The following ABR variants were observed in gnomAD, a reference collection of about 807,000 sequenced individuals.
ABR encodes ABR activator of RhoGEF and GTPase.
ABR carries 35 observed loss-of-function variants against 107.2 expected under a neutral mutation model. That is an observed-to-expected ratio of 0.33 (90% confidence interval 0.25 to 0.43). The LOEUF is 0.43. ABR is among the 20% of genes least tolerant of loss of function. ABR has a pLI of 1.00. For synonymous variants in ABR, 498 were observed against 462.0 expected (o/e 1.08, Z -1.00); for missense variants, 815 against 1,115.2 (o/e 0.73, Z 3.83).
rs1007589856 is a variant in ABR, at chr17:1,078,310, T to A, written c.700+1020A>T. ...TGCTGCATGTGCGCGGAGCACACAATACCGTGCCGCCCAGCCTCCGCGCCT... is the reference window on the plus strand; with the variant it reads ...TGCTGCATGTGCGCGGAGCACACAAAACCGTGCCGCCCAGCCTCCGCGCCT... On this transcript the variant is annotated intron_variant, in intron 6 of 22. Transcript: ENST00000302538. This position sits in a 1 kb window ranked among gnomAD's most constrained non-coding sequence, Gnocchi z 7.5. Among the ~76,000 whole-genome samples, 5 of 152,074 alleles carry A rather than the reference T, an allele frequency of 3.3e-5. No individual in the cohort carries two copies. The highest frequency in any genetic ancestry group is 7.4e-5 in the Non-Finnish European group (5 of 67,990).
rs542556251 is a variant in ABR at position 1,103,444 on chromosome 17, C to A, written c.247-2709G>T. 2.4e-3 allele frequency among the ~76,000 whole-genome samples: 370 copies of A among 152,288 alleles called. 6 individuals are homozygous for A. Among genetic ancestry groups the A allele is most frequent in the African/African-American group, 7.9e-3 (329 of 41,560 alleles). On this transcript the variant is annotated intron_variant, in intron 2 of 22. Coordinates refer to ENST00000302538, the MANE Select transcript of ABR (RefSeq NM_021962.5). ...AGCACTCCCTCCTGTTCCCTGCCAA[C>A]CAAGGTTTTGCCTGAGGGTTTAGCA...
chr17:1,042,368 T>A (rs1192117633), intron 16 of ABR, among the ~76,000 whole-genome samples: 3 of 150,034 alleles, frequency 2.0e-5, no homozygotes, highest in Non-Finnish European at 4.4e-5. Flanking sequence ...CACGAACGGA[T>A]GGATAAACAG....
At chr17:1,006,752 G>A (rs1482652415) in intron 22 of ABR, among the ~76,000 whole-genome samples, 7 of 151,818 alleles carry the variant, frequency 4.6e-5, no homozygotes, top group Non-Finnish European at 8.8e-5. Context: ...CGCCAGCCAC[G>A]GGCCCGGGCG....
chr17:1,101,948 T>C (rs528751791), intron 2 of ABR, among the ~76,000 whole-genome samples: 93 of 152,182 alleles, frequency 6.1e-4, no homozygotes, highest in African/African-American at 1.3e-3. Flanking sequence ...TTAGCCAGGA[T>C]GGTCTCGATC....
chr17:1,145,155 C>T lies in ABR; in HGVS notation c.62-19788G>A, dbSNP rs538997885. Among the ~76,000 whole-genome samples the T allele has an allele frequency of 7.2e-5, 11 of 152,342 alleles. No individual in the cohort carries two copies. The East Asian group carries it at 2.1e-3, about 29-fold the overall frequency. On this transcript the variant is annotated intron_variant, in intron 1 of 22. Coordinates refer to ENST00000302538, the MANE Select transcript of ABR (RefSeq NM_021962.5). ...GGTGGTGGCCCTCTTCTGCTCACTG[C>T]CTGTTATTTGTGGCGCCCAGGACAG...
chr17:1,220,097 C>A (rs1369266681), intron 1 of ABR, among the ~76,000 whole-genome samples: 1 of 151,948 alleles, frequency 6.6e-6, no homozygotes, highest in East Asian at 1.9e-4. Context: ...CGACACCAGC[C>A]TGGCCAACAT....
chr17:1,135,817 A>T lies in ABR; in HGVS notation c.62-10450T>A, dbSNP rs11651025. ...CTTGAACCCGGGAGGCGGAGGTTGC[A>T]GTGAGGCAAGATTGGGCCACTGCAC... On this transcript the variant is annotated intron_variant, in intron 1 of 22. Coordinates refer to ENST00000302538, the MANE Select transcript of ABR (RefSeq NM_021962.5). Among the ~76,000 whole-genome samples, 4 of 151,924 alleles carry T rather than the reference A, an allele frequency of 2.6e-5. No individual in the cohort carries two copies. The East Asian group carries it at 5.8e-4, about 22-fold the overall frequency.
At position 1,227,930 on chromosome 17, in the gene ABR, T is replaced by C. The variant is rs150597243; in HGVS notation, c.838+863A>G. On this transcript the variant is annotated intron_variant, in intron 1 of 22. Transcript: ENST00000574139. ...GACTGCTGCAAAGCACCGTGCATAC[T>C]ACCAGAAGGGGGTTCAAAGATGACT... 4.5e-3 allele frequency among the ~76,000 whole-genome samples: 691 copies of C among 152,306 alleles called. 7 individuals are homozygous for C. The highest frequency in any genetic ancestry group is 0.016 in the African/African-American group (653 of 41,558).
intron 4 of ABR, among the ~76,000 whole-genome samples, chr17:1,088,450 AT>A (rs2036774860): frequency 9.2e-6 from 1 of 108,190 alleles, no homozygotes; most frequent in Non-Finnish European, 1.8e-5. Flanking sequence ...CCTCTTCCCA[AT>A]TTAATAATAA....
At position 1,166,005 on chromosome 17, in the gene ABR, C is replaced by T. The variant is rs1335916024; in HGVS notation, c.61+13662G>A. 2.6e-5 allele frequency among the ~76,000 whole-genome samples: 4 copies of T among 151,612 alleles called. No homozygotes were observed. The East Asian group carries it at 5.9e-4, about 22-fold the overall frequency. On this transcript the variant is annotated intron_variant, in intron 1 of 22. Transcript: ENST00000302538. ...CCCGGAGTGTCCGCACCCACCCTCC[C>T]CAGCGCGGTCCCCACCTCCGCTCTC...
intron 2 of ABR, among the ~76,000 whole-genome samples, chr17:1,102,126 G>A (rs2037940227): frequency 6.6e-6 from 1 of 152,162 alleles, no homozygotes; most frequent in Admixed American, 6.6e-5. Flanking sequence ...TGGCCCGGAT[G>A]CCCGTCCCTA....
chr17:1,143,325 A>G (rs374664674), intron 1 of ABR, among the ~76,000 whole-genome samples: 4 of 7,544 alleles, frequency 5.3e-4, no homozygotes, highest in African/African-American at 1.0e-3. Flanking sequence ...GGGACAGCTC[A>G]TTCCTGGGGG....
intron 16 of ABR, among the ~76,000 whole-genome samples, chr17:1,021,886 C>T (rs900054213): frequency 2.7e-5 from 4 of 150,692 alleles, no homozygotes; most frequent in African/African-American, 9.8e-5. Flanking sequence ...CAGCCGGGCG[C>T]GGTGGCTCAT....
chr17:1,146,879 T>C (rs868506085), intron 1 of ABR, among the ~76,000 whole-genome samples: 2 of 138,970 alleles, frequency 1.4e-5, no homozygotes, highest in Non-Finnish European at 3.1e-5. Flanking sequence ...CATTGCTACA[T>C]GACACCACTG....
intron 10 of ABR, among the ~76,000 whole-genome samples, chr17:1,060,507 C>T (rs2033800729): frequency 6.6e-6 from 1 of 152,180 alleles, no homozygotes; most frequent in Non-Finnish European, 1.5e-5. Flanking sequence ...AGTCTAGTCT[C>T]ATTGGACACG....
intron 21 of ABR, among the ~76,000 whole-genome samples, chr17:1,009,165 T>C (rs570323626): frequency 4.0e-5 from 6 of 151,722 alleles, no homozygotes; most frequent in East Asian, 1.9e-4. Context: ...TCCTGCTGTC[T>C]GTCCCCCACT....
rs1470204558 is a variant in ABR at position 1,218,920 on chromosome 17, G to A, written c.838+9873C>T. ...GAAATCGCGTTTTTCAGAGAGCTGA[G>A]CAATCAGATCTTTAGGCCTTCCACC... On this transcript the variant is annotated intron_variant, in intron 1 of 22. Transcript: ENST00000574139. Among the ~76,000 whole-genome samples the A allele has an allele frequency of 3.9e-5, 6 of 152,152 alleles. No individual in the cohort carries two copies. In the East Asian group the frequency reaches 9.6e-4, roughly 24 times the overall value.
chr17:1,164,444 G>A (rs953167160), intron 1 of ABR, among the ~76,000 whole-genome samples: 11 of 142,160 alleles, frequency 7.7e-5, no homozygotes, highest in African/African-American at 2.7e-4. Flanking sequence ...CATGGATGTC[G>A]GAGCATCTAG....
At chr17:1,113,447 C>A (rs949457747) in intron 2 of ABR, among the ~76,000 whole-genome samples, 2 of 151,688 alleles carry the variant, frequency 1.3e-5, no homozygotes, top group East Asian at 1.9e-4. Context: ...CCACCAGGCC[C>A]GGCTAATTTT....
Sources: gnomAD v4.1 joint callset for allele counts (sites outside exome capture counted in the v4.1 genomes callset) on GRCh38, gnomAD v4.1.1 for gene constraint, Gnocchi (gnomAD v3.1) non-coding constraint, MANE v1.5 for transcripts, NCBI Gene and HGNC (gene_info 2026-07-23, HGNC 2026-07-21) for gene names.